The following CSMD1 variants were observed in gnomAD, a reference collection of about 807,000 sequenced individuals.
CSMD1 encodes the protein CUB and Sushi multiple domains 1, also known as CUB and sushi domain-containing protein 1.
In CSMD1, 213 loss-of-function variants were observed where a neutral mutation model predicts 417.5. The ratio of observed to expected loss-of-function variants is 0.51; its 90% CI spans 0.46 to 0.57. CSMD1 has a LOEUF of 0.57. Among genes scored for constraint, CSMD1 ranks in the 20% least tolerant of loss-of-function variants. The pLI, the probability that CSMD1 is intolerant of heterozygous loss-of-function variation, is 0.00. For synonymous variants in CSMD1, 2,862 were observed against 1,736.8 expected (o/e 1.65, Z -16.11); for missense variants, 6,923 against 4,529.7 (o/e 1.53, Z -15.17).
intron 5 of CSMD1, among the ~76,000 whole-genome samples, chr8:3,994,447 GAAAA>G (rs56184992): frequency 3.4e-5 from 4 of 119,152 alleles, no homozygotes; most frequent in African/African-American, 3.0e-5. Flanking sequence ...AATCTCTTCA[GAAAA>G]AAAAAAAAAA....
chr8:3,261,544 C>T (rs1295905765), intron 26 of CSMD1, among the ~76,000 whole-genome samples: 2 of 152,108 alleles, frequency 1.3e-5, no homozygotes, highest in African/African-American at 2.4e-5. Flanking sequence ...AAAACCTGCG[C>T]GTGAATGTTC....
intron 3 of CSMD1, among the ~76,000 whole-genome samples, chr8:4,385,872 TA>T (rs1303862865): frequency 6.6e-6 from 1 of 152,210 alleles, no homozygotes; most frequent in Non-Finnish European, 1.5e-5. Flanking sequence ...AATATATGCT[TA>T]AAAATTAATG....
chr8:4,510,703 C>A (rs73180936), intron 2 of CSMD1, among the ~76,000 whole-genome samples: 40,012 of 142,642 alleles, frequency 0.28, 5,887 homozygotes, highest in East Asian at 0.39. Context: ...CCTTTCCCTT[C>A]CTTCCCCTTT....
Position 3,406,209 on chromosome 8 carries a change from T to C in CSMD1, c.2084A>G (p.Asn695Ser), listed in dbSNP as rs1330577629. 28 of 1,605,026 alleles carry C rather than the reference T, an allele frequency of 1.7e-5. No individual in the cohort carries two copies. In the Admixed American group the frequency reaches 4.6e-4, roughly 27 times the overall value. Residue 695 changes from asparagine to serine, a missense_variant, in exon 15 of 70, where the codon AAT (asparagine) becomes AGT (serine). By Grantham distance (46) the Asn-to-Ser change is conservative (BLOSUM62 1). Transcript: ENST00000635120. ...AGGAATGCCAGGATCATGGCACTCA[T>C]TCTGACCAAATGCTGAAAGAAAAAG... ...FNITYTTFGQNECHDPGIPIN... is the reference protein window; with the variant it reads ...FNITYTTFGQSECHDPGIPIN...
At chr8:3,769,710 T>G (rs1046669863) in intron 5 of CSMD1, among the ~76,000 whole-genome samples, 1 of 152,190 alleles carries the variant, frequency 6.6e-6, no homozygotes, top group African/African-American at 2.4e-5. Flanking sequence ...ACTATTCCAT[T>G]GAGTGAACAT....
intron 10 of CSMD1, among the ~76,000 whole-genome samples, chr8:3,531,904 A>G (rs534249040): frequency 6.6e-6 from 1 of 152,186 alleles, no homozygotes; most frequent in Admixed American, 6.5e-5. Flanking sequence ...GCACATGCAC[A>G]GTAAGAAAGA....
At chr8:4,438,322 C>T (rs951317384) in intron 2 of CSMD1, among the ~76,000 whole-genome samples, 1 of 152,170 alleles carries the variant, frequency 6.6e-6, no homozygotes, top group African/African-American at 2.4e-5. Flanking sequence ...TGAAGCAGCA[C>T]CAAATCTCCA....
intron 18 of CSMD1, among the ~76,000 whole-genome samples, chr8:3,378,248 C>G (rs919775256): frequency 3.9e-5 from 6 of 152,130 alleles, no homozygotes; most frequent in African/African-American, 1.4e-4. Context: ...GAAATTGAAG[C>G]AGTAATTAAT....
At chr8:4,015,703 C>T (rs966176697) in intron 4 of CSMD1, among the ~76,000 whole-genome samples, 1 of 145,872 alleles carries the variant, frequency 6.9e-6, no homozygotes, top group African/African-American at 2.5e-5. Flanking sequence ...GCTGCTACAT[C>T]CCATTTTATC....
intron 9 of CSMD1, among the ~76,000 whole-genome samples, chr8:3,576,993 G>T (rs1036720195): frequency 6.6e-6 from 1 of 152,120 alleles, no homozygotes; most frequent in South Asian, 2.1e-4. Context: ...AACCATATTG[G>T]CATTGTCGGC....
chr8:4,655,959 T>A (rs1332851464), intron 1 of CSMD1, among the ~76,000 whole-genome samples: 1 of 151,978 alleles, frequency 6.6e-6, no homozygotes, highest in African/African-American at 2.4e-5. Flanking sequence ...CTCCCTGGAG[T>A]TCCATGTTAG....
chr8:4,644,113 G>C (rs752168481), intron 1 of CSMD1, among the ~76,000 whole-genome samples: 7 of 152,344 alleles, frequency 4.6e-5, no homozygotes, highest in Middle Eastern at 3.4e-3. Flanking sequence ...CTTTGCCCAT[G>C]AGCAAGGCCT....
chr8:4,965,700 A>T (rs574893861), intron 1 of CSMD1, among the ~76,000 whole-genome samples: 2 of 152,344 alleles, frequency 1.3e-5, no homozygotes, highest in East Asian at 3.9e-4. Flanking sequence ...ATGTTCAAAT[A>T]AGATAATAAA....
chr8:3,709,680 G>GGTTTTTTTTTTTTTTT (rs1554518393), intron 6 of CSMD1, among the ~76,000 whole-genome samples: 5 of 33,694 alleles, frequency 1.5e-4, no homozygotes, highest in Admixed American at 4.7e-4. Flanking sequence ...GCAGCAGCAT[G>GGTTTTTTTTTTTTTTT]TTTTTTTTTT....
chr8:4,436,296 CATCTT>C (rs1330914283), intron 2 of CSMD1, among the ~76,000 whole-genome samples: 1 of 151,946 alleles, frequency 6.6e-6, no homozygotes, highest in Admixed American at 6.6e-5. Flanking sequence ...GTGTTTTTTT[CATCTT>C]ATCTGTTTTT....
intron 2 of CSMD1, among the ~76,000 whole-genome samples, chr8:4,506,186 A>G (rs1396993614): frequency 1.3e-5 from 2 of 152,156 alleles, no homozygotes; most frequent in African/African-American, 2.4e-5. Context: ...TATTGAAAAT[A>G]ATGGAAAAAA....
At chr8:3,042,872 A>C (rs1351223978) in intron 50 of CSMD1, among the ~76,000 whole-genome samples, 1 of 152,116 alleles carries the variant, frequency 6.6e-6, no homozygotes, top group Non-Finnish European at 1.5e-5. Flanking sequence ...TACACAGAGT[A>C]CTATAGTGAA....
At chr8:4,168,045 C>A (rs1158548772) in intron 3 of CSMD1, among the ~76,000 whole-genome samples, 1 of 151,908 alleles carries the variant, frequency 6.6e-6, no homozygotes, top group Non-Finnish European at 1.5e-5. Context: ...CGTAGAATTG[C>A]TTGAAACCAG....
intron 2 of CSMD1, among the ~76,000 whole-genome samples, chr8:4,464,491 T>G (rs1246055946): frequency 1.3e-5 from 2 of 152,172 alleles, no homozygotes; most frequent in African/African-American, 4.8e-5. Flanking sequence ...AAAGCTTATT[T>G]TATAATAACA....
Sources: gnomAD v4.1 joint callset for allele counts (sites outside exome capture counted in the v4.1 genomes callset) on GRCh38, gnomAD v4.1.1 for gene constraint, MANE v1.5 for transcripts, NCBI Gene and HGNC (gene_info 2026-07-23, HGNC 2026-07-21) for gene names.